The following KSR2 variants were observed in gnomAD, a reference collection of about 807,000 sequenced individuals.
KSR2 encodes the protein kinase suppressor of ras 2.
In KSR2, 25 loss-of-function variants were observed where a neutral mutation model predicts 107.8. The observed-to-expected ratio is 0.23, with a 90% CI of 0.17 to 0.32. KSR2 has a LOEUF of 0.32. Ranked by LOEUF, KSR2 falls within the 10% of genes least tolerant of loss-of-function variation. KSR2 has a pLI of 1.00. For missense variants in KSR2, 887 were observed against 1,268.9 expected (o/e 0.70, Z 4.57); for synonymous variants, 480 against 507.0 (o/e 0.95, Z 0.71).
At chr12:117,694,870 G>T (rs1335152221) in intron 4 of KSR2, among the ~76,000 whole-genome samples, 41 of 78,750 alleles carry the variant, frequency 5.2e-4, no homozygotes, top group Admixed American at 5.3e-4. Flanking sequence ...TTTTTTTTGA[G>T]ATGGAGCCTC....
intron 4 of KSR2, among the ~76,000 whole-genome samples, chr12:117,697,552 C>T (rs1886120577): frequency 6.6e-6 from 1 of 152,090 alleles, no homozygotes; most frequent in Admixed American, 6.6e-5. Context: ...ACCAGCCTGA[C>T]CAACATGGTG....
At chr12:117,731,106 G>A (rs552972112) in intron 4 of KSR2, among the ~76,000 whole-genome samples, 66 of 147,060 alleles carry the variant, frequency 4.5e-4, no homozygotes, top group South Asian at 1.5e-3. Context: ...TGTGGGGAGC[G>A]CCTCTGCCCA....
intron 5 of KSR2, among the ~76,000 whole-genome samples, chr12:117,592,350 G>A (rs1032366372): frequency 1.3e-5 from 2 of 152,054 alleles, no homozygotes; most frequent in Non-Finnish European, 2.9e-5. Flanking sequence ...CCGACCTCAG[G>A]TGATCCTCCC....
chr12:117,712,642 A>G (rs1055417291), intron 4 of KSR2, among the ~76,000 whole-genome samples: 4 of 152,200 alleles, frequency 2.6e-5, no homozygotes, highest in Admixed American at 6.5e-5. Flanking sequence ...TGTCTGGCAC[A>G]TGGTAAGGAA....
intron 5 of KSR2, among the ~76,000 whole-genome samples, chr12:117,630,985 T>G (rs780699152): frequency 3.9e-5 from 6 of 152,154 alleles, no homozygotes; most frequent in Admixed American, 6.5e-5. Context: ...CTCCCCAGGC[T>G]GACAAGAGAC....
chr12:117,752,362 G>A (rs1466300962), intron 4 of KSR2, among the ~76,000 whole-genome samples: 1 of 152,198 alleles, frequency 6.6e-6, no homozygotes, highest in African/African-American at 2.4e-5. Context: ...GGGGAAAACA[G>A]AAGAATTTCC....
intron 14 of KSR2, among the ~76,000 whole-genome samples, chr12:117,487,064 G>A (rs1872506143): frequency 6.6e-6 from 1 of 152,018 alleles, no homozygotes; most frequent in Non-Finnish European, 1.5e-5. Context: ...CTGCCTTTCT[G>A]GGTTGTCAGG....
At chr12:117,683,064 G>C (rs897798624) in intron 4 of KSR2, among the ~76,000 whole-genome samples, 6 of 152,116 alleles carry the variant, frequency 3.9e-5, no homozygotes, top group African/African-American at 1.4e-4. Context: ...ACAGGCAAGG[G>C]GCAGTTGGCA....
intron 1 of KSR2, among the ~76,000 whole-genome samples, chr12:117,885,946 AATTAGCCAAC>A (rs1429989930): frequency 6.6e-6 from 1 of 152,044 alleles, no homozygotes; most frequent in South Asian, 2.1e-4. Context: ...ATACCAAAAA[AATTAGCCAAC>A]GGGGTGGCGG....
Position 117,906,798 on chromosome 12 carries a change from C to T in KSR2, c.181-46367G>A, listed in dbSNP as rs1384073640. On this transcript the variant is annotated intron_variant, in intron 1 of 19. Transcript: ENST00000339824. ...TGGTGGCTCATGCCTGTAATCCTAG[C>T]ACTTCGGGAGGTGAAGGTGAGAGGA... Among the ~76,000 whole-genome samples the T allele has an allele frequency of 7.9e-5, 12 of 152,200 alleles. No individual in the cohort carries two copies. The East Asian group carries it at 1.7e-3, about 22-fold the overall frequency.
At chr12:117,479,515 G>T (rs1002212105) in intron 16 of KSR2, among the ~76,000 whole-genome samples, 2 of 152,118 alleles carry the variant, frequency 1.3e-5, no homozygotes, top group Admixed American at 1.3e-4. Flanking sequence ...CAGCATCCCT[G>T]GCCTCTACTC....
At chr12:117,783,891 GAC>G (rs1300863355) in intron 3 of KSR2, among the ~76,000 whole-genome samples, 1 of 152,014 alleles carries the variant, frequency 6.6e-6, no homozygotes, top group African/African-American at 2.4e-5. Context: ...AATCAGCCCA[GAC>G]ACAAAACTGC....
At chr12:117,555,116 C>A in intron 9 of KSR2, 53 bp downstream of exon 9, 1 of 1,611,306 alleles carries the variant, frequency 6.2e-7, no homozygotes, top group South Asian at 1.1e-5. Context: ...TCCTACCCCT[C>A]ACCCAGCAGT....
chr12:117,590,367 C>T (rs1451118583), intron 5 of KSR2, among the ~76,000 whole-genome samples: 1 of 152,160 alleles, frequency 6.6e-6, no homozygotes, highest in Admixed American at 6.5e-5. Flanking sequence ...GACGTGAGCA[C>T]ACCTGTGACA....
intron 5 of KSR2, among the ~76,000 whole-genome samples, chr12:117,591,217 G>A (rs918598003): frequency 2.0e-5 from 3 of 152,134 alleles, no homozygotes; most frequent in African/African-American, 7.2e-5. Context: ...TGAAATCTGG[G>A]TCAACTCATG....
intron 4 of KSR2, among the ~76,000 whole-genome samples, chr12:117,710,202 A>G (rs1471658023): frequency 6.6e-6 from 1 of 151,606 alleles, no homozygotes; most frequent in African/African-American, 2.4e-5. Context: ...GCTCCGAACC[A>G]TCAAACCATC....
rs1172599124 is a variant in KSR2, at chr12:117,457,669, AGG to A, written c.*9528_*9529del. On this transcript the variant is annotated 3_prime_UTR_variant, in exon 20 of 20. Transcript: ENST00000339824. ...AGGATTGATTCCAGACAGCAAAGTC[AGG>A]GTGTGTCTGGGGATGTTTTTGGATG... 1 of 152,168 alleles carries A rather than the reference AGG, an allele frequency of 6.6e-6. No individual in the cohort carries two copies. 9.4% of individuals were successfully genotyped at this position (152,168 alleles called of 1,614,324 possible).
intron 4 of KSR2, among the ~76,000 whole-genome samples, chr12:117,683,830 G>C (rs886278609): frequency 6.6e-6 from 1 of 152,222 alleles, no homozygotes; most frequent in Non-Finnish European, 1.5e-5. Context: ...GGGCCAGAGA[G>C]GAAATACCTT....
intron 4 of KSR2, among the ~76,000 whole-genome samples, chr12:117,760,636 G>T (rs1379623922): frequency 6.6e-6 from 1 of 152,156 alleles, no homozygotes; most frequent in Admixed American, 6.5e-5. Flanking sequence ...TCAGTAAAAA[G>T]CCAGATGGTA....
Sources: allele counts gnomAD v4.1 joint callset (sites outside exome capture counted in the v4.1 genomes callset), GRCh38; gene constraint gnomAD v4.1.1; transcripts MANE v1.5; gene names NCBI Gene and HGNC (gene_info 2026-07-23, HGNC 2026-07-21).